Variants in TNS3 observed in about 807,000 individuals in gnomAD.
TNS3 encodes the protein tensin 3, also known as tensin-3.
A neutral mutation model predicts 140.9 loss-of-function variants in TNS3; 45 were observed. That is an observed-to-expected ratio of 0.32 (90% CI 0.25 to 0.41). The LOEUF is 0.41. Ranked by LOEUF, TNS3 falls within the 10% of genes least tolerant of loss-of-function variation. The pLI is 1.00. For missense variants in TNS3, 1,716 were observed against 1,906.7 expected (o/e 0.90, Z 1.86); for synonymous variants, 815 against 788.4 (o/e 1.03, Z -0.56).
chr7:47,470,532 C>T (rs915308560), intron 4 of TNS3: 7 of 985,308 alleles, frequency 7.1e-6, no homozygotes, highest in African/African-American at 3.5e-5. Flanking sequence ...AGTCCAGGGA[C>T]CACACGACAA....
intron 15 of TNS3, 141 bp from the exon 16 acceptor site, chr7:47,397,045 C>A: frequency 1.5e-6 from 1 of 651,548 alleles, no homozygotes; most frequent in Non-Finnish European, 2.7e-6. Context: ...CTGCCAGGAG[C>A]CACAACACTA....
intron 8 of TNS3, among the ~76,000 whole-genome samples, chr7:47,432,707 G>A (rs1794982615): frequency 6.6e-6 from 1 of 152,236 alleles, no homozygotes; most frequent in Admixed American, 6.5e-5. Context: ...GTGGGTGGAA[G>A]CAGCCATGGA....
chr7:47,558,525 G>T (rs1342622015), intron 1 of TNS3, among the ~76,000 whole-genome samples: 1 of 152,034 alleles, frequency 6.6e-6, no homozygotes, highest in Non-Finnish European at 1.5e-5. Flanking sequence ...ACACCTGCAG[G>T]GACCAAGAAA....
chr7:47,335,618 C>T (rs1788591673), intron 20 of TNS3, among the ~76,000 whole-genome samples: 1 of 152,192 alleles, frequency 6.6e-6, no homozygotes, highest in East Asian at 1.9e-4. Context: ...CCGACTCATG[C>T]TCTGAACCCA....
intron 1 of TNS3, chr7:47,556,942 C>T (rs1800210541): frequency 2.3e-6 from 1 of 444,350 alleles, no homozygotes; most frequent in Admixed American, 2.4e-5. Flanking sequence ...AGAGGCCCTA[C>T]TCCCAGCCCT....
upstream of TNS3, chr7:47,582,397 G>A: frequency 2.2e-6 from 1 of 456,254 alleles, no homozygotes; most frequent in Middle Eastern, 3.5e-4. Flanking sequence ...CTGGAGGCTT[G>A]CAGGTTCCGC....
rs951514102 is a variant in TNS3, at chr7:47,407,899, T to A, written c.723+3828A>T. On this transcript the variant is annotated intron_variant, in intron 13 of 30. Transcript: ENST00000311160. This position sits in a 1 kb window ranked among gnomAD's most constrained non-coding sequence, Gnocchi z 4.1. The stretch of plus-strand genomic sequence containing the variant: ...CCTCCAGGACTGTGGGAGAATCACC[T>A]CTGTTGTTTAAGCTGAGACCAAAGG... Among the ~76,000 whole-genome samples, 2 of 152,038 alleles carry A rather than the reference T, an allele frequency of 1.3e-5. No homozygotes were observed. The highest frequency in any genetic ancestry group is 4.8e-5 in the African/African-American group (2 of 41,398).
chr7:47,457,674 C>G (rs535106103), intron 4 of TNS3, among the ~76,000 whole-genome samples: 1 of 152,192 alleles, frequency 6.6e-6, no homozygotes. Context: ...AAGTCAGTCC[C>G]CTCCAACCAC....
rs543698941 is a variant in TNS3, at chr7:47,573,679, G to A, written c.-265+8372C>T. On this transcript the variant is annotated intron_variant, in intron 1 of 30. Coordinates refer to ENST00000311160, the MANE Select transcript of TNS3 (RefSeq NM_022748.12). The stretch of plus-strand genomic sequence containing the variant: ...AAGAAACACCAGTTGACTCCAGATA[G>A]AGCAACCCACCACCCCGTCTCTGGG... Among the ~76,000 whole-genome samples, 3 of 152,250 alleles carry A rather than the reference G, an allele frequency of 2.0e-5. No individual in the cohort carries two copies. The South Asian group carries it at 6.2e-4, about 32-fold the overall frequency.
chr7:47,302,053 G>A, intron 23 of TNS3, 133 bp downstream of exon 23: 1 of 688,888 alleles, frequency 1.5e-6, no homozygotes, highest in Non-Finnish European at 2.6e-6. Flanking sequence ...ATAACGTGTG[G>A]GCCCTGCTCA....
intron 13 of TNS3, among the ~76,000 whole-genome samples, chr7:47,401,870 G>A (rs1232740931): frequency 6.6e-6 from 1 of 152,236 alleles, no homozygotes; most frequent in East Asian, 1.9e-4. Context: ...CGAAGGCCCT[G>A]GACAGGCTGG....
chr7:47,364,204 C>T (rs1790560123), intron 17 of TNS3, among the ~76,000 whole-genome samples: 1 of 151,916 alleles, frequency 6.6e-6, no homozygotes, highest in South Asian at 2.1e-4. Context: ...GTTTTCTATA[C>T]CTGCTAGTGA....
rs1444041527 is a variant in TNS3, at chr7:47,461,232, T to C, written c.-75-19177A>G. Among the ~76,000 whole-genome samples the C allele has an allele frequency of 3.3e-5, 5 of 152,182 alleles. No individual in the cohort carries two copies. In the East Asian group the frequency reaches 7.7e-4, roughly 24 times the overall value. On this transcript the variant is annotated intron_variant, in intron 4 of 30. Transcript: ENST00000311160. ...ACCAGGCTGAGCAAAGCCACATTCA[T>C]GTGTGAGTCTTTTCTGCTTACTGGT...
chr7:47,486,117 T>C (rs530565884), intron 3 of TNS3, among the ~76,000 whole-genome samples: 1 of 152,144 alleles, frequency 6.6e-6, no homozygotes, highest in Admixed American at 6.5e-5. Context: ...TGACTAGGTA[T>C]ATTTTACTGT....
intron 1 of TNS3, among the ~76,000 whole-genome samples, chr7:47,578,671 G>A (rs1377744729): frequency 6.6e-6 from 1 of 152,210 alleles, no homozygotes; most frequent in Non-Finnish European, 1.5e-5. Context: ...GAGGGACCCT[G>A]AGCTCAGCAC....
In TNS3 at chr7:47,340,585, C is replaced by CTTTTTTTTTTTTTTTTTTTTTTTTTTT. The variant is rs774726583; in HGVS notation, c.2650+4169_2650+4170insAAAAAAAAAAAAAAAAAAAAAAAAAAA. Among the ~76,000 whole-genome samples the CTTTTTTTTTTTTTTTTTTTTTTTTTTT allele has an allele frequency of 1.5e-5, 2 of 134,870 alleles. 1 individual carries two copies. The highest frequency in any genetic ancestry group is 5.5e-5 in the African/African-American group (2 of 36,186). The allele number at this position is 134,870 out of a possible 152,430, so 88.5% of individuals were successfully genotyped here. A position where few individuals can be genotyped will look rare whatever the true frequency, so the allele number is the denominator to read the frequency against. ...TGTTCCCTGGGATTTTCTTTTTTTT[C>CTTTTTTTTTTTTTTTTTTTTTTTTTTT]TTTTTTTTTTTTTTGAGACAGAGTC... On this transcript the variant is annotated intron_variant, in intron 20 of 30. Coordinates refer to ENST00000311160, the MANE Select transcript of TNS3 (RefSeq NM_022748.12).
At chr7:47,287,894 TA>T (rs1186550002) in intron 27 of TNS3, among the ~76,000 whole-genome samples, 1 of 152,170 alleles carries the variant, frequency 6.6e-6, no homozygotes, top group East Asian at 1.9e-4. Flanking sequence ...GACCCACCCT[TA>T]AAAAACATTT....
intron 30 of TNS3, chr7:47,279,702 C>CAA (rs60620426): frequency 1.1e-3 from 157 of 141,530 alleles, no homozygotes; most frequent in South Asian, 3.9e-3. Flanking sequence ...AACTCTGTCT[C>CAA]AAAAAAAAAA....
At chr7:47,483,738 G>C (rs1199462560) in intron 3 of TNS3, among the ~76,000 whole-genome samples, 1 of 152,198 alleles carries the variant, frequency 6.6e-6, no homozygotes, top group Non-Finnish European at 1.5e-5. Context: ...CTACAGAAAA[G>C]GAGAGGTGAG....
Sources: allele counts gnomAD v4.1 joint callset (sites outside exome capture counted in the v4.1 genomes callset), GRCh38; gene constraint gnomAD v4.1.1; non-coding constraint Gnocchi (gnomAD v3.1); transcripts MANE v1.5; gene names NCBI Gene and HGNC (gene_info 2026-07-23, HGNC 2026-07-21).